The following CFAP92 variants were observed in gnomAD, a reference collection of about 807,000 sequenced individuals.
CFAP92 encodes the protein uncharacterized protein CFAP92.
CFAP92 carries 86 observed loss-of-function variants against 106.3 expected under a neutral mutation model. The observed-to-expected ratio is 0.81, with a 90% CI of 0.68 to 0.97. The LOEUF is 0.97. CFAP92 is among the 50% of genes least tolerant of loss of function. The pLI, the probability that CFAP92 is intolerant of heterozygous loss-of-function variation, is 0.00. For synonymous variants in CFAP92, 477 were observed against 506.4 expected (o/e 0.94, Z 0.78); for missense variants, 1,204 against 1,283.8 (o/e 0.94, Z 0.95).
intron 7 of CFAP92, among the ~76,000 whole-genome samples, chr3:128,975,269 T>C (rs1186170923): frequency 6.6e-6 from 1 of 152,236 alleles, no homozygotes; most frequent in Non-Finnish European, 1.5e-5. Flanking sequence ...TAATTCTTTA[T>C]TTGAAAGTCT....
At chr3:128,974,009 C>T (rs1439857152) in intron 7 of CFAP92, among the ~76,000 whole-genome samples, 2 of 152,204 alleles carry the variant, frequency 1.3e-5, no homozygotes, top group Non-Finnish European at 2.9e-5. Flanking sequence ...GCTTAAAGCA[C>T]ATTTTTAAAA....
intron 15 of CFAP92, among the ~76,000 whole-genome samples, chr3:128,911,630 C>T (rs1451236076): frequency 6.6e-6 from 1 of 152,114 alleles, no homozygotes; most frequent in African/African-American, 2.4e-5. Context: ...TAGAAACAAA[C>T]AGGGTTTCAC....
intron 12 of CFAP92, among the ~76,000 whole-genome samples, chr3:128,924,769 A>G (rs1349260037): frequency 6.6e-6 from 1 of 152,148 alleles, no homozygotes; most frequent in African/African-American, 2.4e-5. Flanking sequence ...AACTAGAAGA[A>G]CATGTTTCCC....
At chr3:128,968,058 C>T (rs1459832726) in intron 8 of CFAP92, 2 of 141,486 alleles carry the variant, frequency 1.4e-5, no homozygotes, top group African/African-American at 5.2e-5. Context: ...GTTTGTGCTC[C>T]TCCAACAGCC....
upstream of CFAP92, chr3:128,994,163 G>A: frequency 1.0e-6 from 1 of 985,522 alleles, no homozygotes; most frequent in Non-Finnish European, 1.2e-6. Flanking sequence ...GAGGGCGTGC[G>A]GCCTGGGGGC....
intron 15 of CFAP92, chr3:128,912,488 C>T (rs1297726460): frequency 5.6e-6 from 9 of 1,606,538 alleles, no homozygotes; most frequent in Non-Finnish European, 7.7e-6. Context: ...CACCCACCAT[C>T]TCTCCTTTTC....
chr3:128,930,015 G>C (rs1938166056), intron 12 of CFAP92, among the ~76,000 whole-genome samples: 1 of 152,118 alleles, frequency 6.6e-6, no homozygotes, highest in South Asian at 2.1e-4. Flanking sequence ...AGCCATTTTA[G>C]AGTAGCCATA....
rs1321809022 is a variant in CFAP92 at position 128,965,585 on chromosome 3, A to C, written c.1279T>G (p.Leu427Val). The part of the protein sequence containing the change: ...PIMTEEQKQD[L>V]NPLTIKIKCA... ...TTGATCTTTATGGTCAGGGGATTTA[A>C]ATCCTGCTTTTGCTCCTCGGTCATG... is the stretch of plus-strand genomic sequence containing the variant. The change falls in exon 9 of 16, where the codon TTA (leucine) becomes GTA (valine). Residue 427 changes from leucine to valine, a missense_variant. Coordinates refer to ENST00000645291, the MANE Select transcript of CFAP92 (RefSeq NM_001394090.1). 2 of 398,896 alleles carry C rather than the reference A, an allele frequency of 5.0e-6. No individual in the cohort carries two copies. The highest frequency in any genetic ancestry group is 8.8e-6 in the Non-Finnish European group (2 of 226,066). The allele number at this position is 398,896 out of a possible 1,614,324, so 24.7% of individuals were successfully genotyped here.
chr3:128,935,190 C>T lies in CFAP92; in HGVS notation c.2388G>A (p.Leu796=), dbSNP rs1179510062. 5.9e-6 allele frequency: 9 copies of T among 1,535,952 alleles called. No individual in the cohort carries two copies. Among genetic ancestry groups the T allele is most frequent in the Non-Finnish European group, 7.0e-6 (8 of 1,146,846 alleles). ...GCAGGAAGAACACCGCCTGCTGCAG[C>T]AGCAGCTCCGTGGGCTGGAAGAGGT... The part of the protein sequence containing the change: ...HVHLFQPTEL[L]LQQAVFFLRD... The change falls in exon 11 of 16, where the codon CTG becomes CTA. Residue 796 remains leucine (L), a synonymous_variant. Transcript: ENST00000645291.
chr3:128,910,429 G>A (rs1936150509), intron 15 of CFAP92, 96 bp from the exon 16 acceptor site: 3 of 1,260,906 alleles, frequency 2.4e-6, no homozygotes, highest in Non-Finnish European at 1.1e-6. Context: ...TGTGCTGGAG[G>A]GAGGCGGGTG....
the CFAP92 span, among the ~76,000 whole-genome samples, chr3:129,011,463 A>G: frequency 8.7e-3 from 1,321 of 151,860 alleles, 21 homozygotes; most frequent in African/African-American, 0.03. Flanking sequence ...AGGCAGGAGA[A>G]TTGCTTGAAC....
chr3:128,932,728 T>C lies in CFAP92; in HGVS notation c.2723A>G (p.Asn908Ser). The C allele has an allele frequency of 6.5e-7, 1 of 1,534,038 alleles. No individual in the cohort carries two copies. Among genetic ancestry groups the C allele is most frequent in the Non-Finnish European group, 8.7e-7 (1 of 1,146,114 alleles). Residue 908 changes from asparagine to serine, a missense_variant, in exon 12 of 16, where the codon AAC becomes AGC. Transcript: ENST00000645291. ...LQWRSAMLMK[N>S]KDKKHSFIQK... ...GATGAAACTGTGCTTTTTGTCTTTG[T>C]TCTTCATAAGCATGGCACTCCGCCA...
chr3:128,910,120 C>G lies in CFAP92; in HGVS notation c.*179G>C, dbSNP rs748222640. Reference sequence around the variant, plus strand: ...GCTGTCGCGGGCCAGCCGCTCCATCCGCATTGGGCTCCGCAACCACGACCA... The same window carrying G: ...GCTGTCGCGGGCCAGCCGCTCCATCGGCATTGGGCTCCGCAACCACGACCA... On this transcript the variant is annotated 3_prime_UTR_variant, in exon 16 of 16. Transcript: ENST00000645291. 2.5e-6 allele frequency: 4 copies of G among 1,614,040 alleles called. No individual in the cohort carries two copies. The highest frequency in any genetic ancestry group is 2.5e-6 in the Non-Finnish European group (3 of 1,180,036).
intron 12 of CFAP92, among the ~76,000 whole-genome samples, chr3:128,931,962 G>A (rs1377101215): frequency 1.3e-5 from 2 of 152,282 alleles, no homozygotes; most frequent in Middle Eastern, 3.4e-3. Context: ...AGGCTGCAGT[G>A]ACCCATGATC....
intron 1 of CFAP92, chr3:129,002,117 C>T: frequency 1.4e-6 from 2 of 1,481,282 alleles, no homozygotes; most frequent in East Asian, 2.7e-5. Context: ...GGCTGCCCCG[C>T]GGCGCTCTCA....
At chr3:129,003,223 A>G (rs925698927), upstream of CFAP92, 52 of 985,252 alleles carry the variant, frequency 5.3e-5, no homozygotes, top group Admixed American at 6.1e-5. Flanking sequence ...CTGATGTGGA[A>G]TCCCAAGTAA....
chr3:128,961,720 T>C (rs1401687994), intron 9 of CFAP92, among the ~76,000 whole-genome samples: 3 of 152,228 alleles, frequency 2.0e-5, no homozygotes, highest in Non-Finnish European at 4.4e-5. Context: ...AAAGGCTGTC[T>C]TATTCTCAAT....
Position 128,915,459 on chromosome 3 carries a change from C to T in CFAP92, c.3021G>A (p.Gln1007=). The T allele has an allele frequency of 2.6e-6, 4 of 1,536,130 alleles. No individual in the cohort carries two copies. The highest frequency in any genetic ancestry group is 2.4e-5 in the South Asian group (2 of 84,064). ...GGAATCCCCTGGCTGTGAGCCAGGC[C>T]TGGCGGGATTTCTTCTGGGCTTTCT... ...EEKKAQKKSR[Q]AWLTARGFQV... is the part of the protein sequence containing the mutation. The change falls in exon 14 of 16, where the codon CAG becomes CAA. Residue 1007 remains glutamine (Q), a synonymous_variant. Transcript: ENST00000645291.
upstream of CFAP92, among the ~76,000 whole-genome samples, chr3:129,002,945 G>C (rs1944866777): frequency 6.6e-6 from 1 of 152,184 alleles, no homozygotes; most frequent in Non-Finnish European, 1.5e-5. Context: ...GAAACCATGG[G>C]GTGAGATAGG....
Sources: allele counts gnomAD v4.1 joint callset (sites outside exome capture counted in the v4.1 genomes callset), GRCh38; gene constraint gnomAD v4.1.1; transcripts MANE v1.5; gene names NCBI Gene and HGNC (gene_info 2026-07-23, HGNC 2026-07-21).